Variants in PTPRG observed in about 807,000 individuals in gnomAD.
PTPRG encodes the protein receptor-type tyrosine-protein phosphatase gamma.
PTPRG carries 102 observed loss-of-function variants against 165.3 expected under a neutral mutation model. The observed-to-expected ratio is 0.62, with a 90% CI of 0.53 to 0.73. PTPRG has a LOEUF of 0.73. PTPRG is among the 30% of genes least tolerant of loss of function. The pLI, the probability that PTPRG is intolerant of heterozygous loss-of-function variation, is 0.00. For missense variants in PTPRG, 1,866 were observed against 1,861.4 expected (o/e 1.00, Z -0.05); for synonymous variants, 675 against 669.5 (o/e 1.01, Z -0.13).
At chr3:62,292,869 C>G (rs577808638) in intron 29 of PTPRG, among the ~76,000 whole-genome samples, 129 of 152,078 alleles carry the variant, frequency 8.5e-4, no homozygotes, top group African/African-American at 3.0e-3. Context: ...TCTTCATTAA[C>G]CAGATATTAA....
At chr3:61,686,349 C>A (rs1383325388) in intron 1 of PTPRG, among the ~76,000 whole-genome samples, 1 of 151,850 alleles carries the variant, frequency 6.6e-6, no homozygotes, top group Non-Finnish European at 1.5e-5. Context: ...TGATACTTAC[C>A]ATTGTTCTCT....
chr3:61,824,658 A>T (rs1444975502), intron 2 of PTPRG, among the ~76,000 whole-genome samples: 2 of 152,162 alleles, frequency 1.3e-5, no homozygotes, highest in African/African-American at 4.8e-5. Flanking sequence ...AAAATTAACT[A>T]GGTATGGTGG....
At chr3:61,562,478 G>A (rs1699783440) in intron 1 of PTPRG, 106 bp downstream of exon 1, 1 of 1,012,428 alleles carries the variant, frequency 9.9e-7, no homozygotes, top group Admixed American at 2.0e-5. Context: ...AGACCCTGGA[G>A]AGGGTGGAGG....
chr3:61,867,742 CCAGTTAGCAATGCAGTTT>C lies in PTPRG; in HGVS notation c.190+118764_190+118781del, dbSNP rs2037450124. Among the ~76,000 whole-genome samples the C allele has an allele frequency of 2.0e-5, 3 of 152,266 alleles. No individual in the cohort carries two copies. The South Asian group carries it at 6.2e-4, about 32-fold the overall frequency. ...GATACTCTGAGCGTTTATCTTGCAT[CCAGTTAGCAATGCAGTTT>C]CAGAGATAGAGGACATAGGACGTCC... On this transcript the variant is annotated intron_variant, in intron 2 of 29. Coordinates refer to ENST00000474889, the MANE Select transcript of PTPRG (RefSeq NM_002841.4).
At chr3:61,935,419 CACAT>C in intron 2 of PTPRG, among the ~76,000 whole-genome samples, 1 of 152,124 alleles carries the variant, frequency 6.6e-6, no homozygotes, top group East Asian at 1.9e-4. Flanking sequence ...CGCACGTGCA[CACAT>C]ACAGACTCAC....
At chr3:61,902,553 A>G (rs1017527759) in intron 2 of PTPRG, among the ~76,000 whole-genome samples, 2 of 152,194 alleles carry the variant, frequency 1.3e-5, no homozygotes, top group Non-Finnish European at 2.9e-5. Flanking sequence ...CTAAGTTACC[A>G]TCAATAATAG....
At position 62,229,806 on chromosome 3, in the gene PTPRG, G is replaced by A. The variant is rs1700852105; in HGVS notation, c.2289-1419G>A. ...CAGCAAAAGTGTTGTCAGTTTACGG[G>A]TGGTAGTTTTAAGCGCCTGTGATTG... On this transcript the variant is annotated intron_variant, in intron 13 of 29. Coordinates refer to ENST00000474889, the MANE Select transcript of PTPRG (RefSeq NM_002841.4). The surrounding 1 kb of genome is among the most constrained non-coding windows in gnomAD (Gnocchi z 4.6). Among the ~76,000 whole-genome samples the A allele has an allele frequency of 6.6e-6, 1 of 152,194 alleles. No individual in the cohort carries two copies.
At position 61,842,694 on chromosome 3, in the gene PTPRG, AAAAAAAAAAG is replaced by A. The variant is rs1245207181; in HGVS notation, c.190+93718_190+93727del. 5.0e-3 allele frequency among the ~76,000 whole-genome samples: 764 copies of A among 151,608 alleles called. 8 individuals are homozygous for A. Among genetic ancestry groups the A allele is most frequent in the African/African-American group, 0.018 (725 of 41,372 alleles). ...GCAATGTATGTGTGGCAAAAAAAAA[AAAAAAAAAAG>A]AAAAAGAAAAAGCCAATGGAAAGTG... On this transcript the variant is annotated intron_variant, in intron 2 of 29. Transcript: ENST00000474889.
chr3:62,245,590 G>A lies in PTPRG; in HGVS notation c.2467+1692G>A, dbSNP rs1417937603. 1.3e-5 allele frequency among the ~76,000 whole-genome samples: 2 copies of A among 152,116 alleles called. No individual in the cohort carries two copies. Among genetic ancestry groups the A allele is most frequent in the African/African-American group, 4.8e-5 (2 of 41,434 alleles). On this transcript the variant is annotated intron_variant, in intron 15 of 29. Transcript: ENST00000474889. This position sits in a 1 kb window ranked among gnomAD's most constrained non-coding sequence, Gnocchi z 4.2. ...GTCCACCCTGAAATCTTTGTTCAGT[G>A]CCTTCACCTCTCTGAACCTTAGTTT...
rs537325643 is a variant in PTPRG at position 61,907,242 on chromosome 3, A to C, written c.191-82383A>C. 2.6e-5 allele frequency among the ~76,000 whole-genome samples: 4 copies of C among 152,234 alleles called. No individual in the cohort carries two copies. In the East Asian group the frequency reaches 7.7e-4, roughly 29 times the overall value. On this transcript the variant is annotated intron_variant, in intron 2 of 29. Coordinates refer to ENST00000474889, the MANE Select transcript of PTPRG (RefSeq NM_002841.4). ...ATGCCTGGTTTATACTCTTGCTAAG[A>C]AAAGCTCGAGGGTGACTCTCAAATC...
intron 1 of PTPRG, among the ~76,000 whole-genome samples, chr3:61,639,402 G>A (rs1295376177): frequency 6.6e-6 from 1 of 152,072 alleles, no homozygotes; most frequent in Non-Finnish European, 1.5e-5. Context: ...ATCTTTTTTG[G>A]TTCCATATGA....
intron 1 of PTPRG, among the ~76,000 whole-genome samples, chr3:61,676,385 A>G (rs1415208640): frequency 7.2e-6 from 1 of 138,782 alleles, no homozygotes; most frequent in Non-Finnish European, 1.5e-5. Context: ...TGAACCTGGG[A>G]GGCAGAGCTT....
intron 14 of PTPRG, among the ~76,000 whole-genome samples, chr3:62,238,003 A>G (rs556403598): frequency 3.2e-4 from 48 of 152,334 alleles, no homozygotes; most frequent in African/African-American, 1.1e-3. Flanking sequence ...GGAACTTTCT[A>G]TAGAAATGTG....
intron 2 of PTPRG, among the ~76,000 whole-genome samples, chr3:61,974,695 CAT>C (rs1052431118): frequency 5.9e-5 from 9 of 152,204 alleles, no homozygotes; most frequent in East Asian, 3.8e-4. Context: ...CACCTAAAAA[CAT>C]ATGATTCTAT....
chr3:62,233,312 T>G lies in PTPRG; in HGVS notation c.2375+2001T>G, dbSNP rs1010601512. 6.6e-6 allele frequency among the ~76,000 whole-genome samples: 1 copy of G among 152,186 alleles called. No homozygotes were observed. Among genetic ancestry groups the G allele is most frequent in the African/African-American group, 2.4e-5 (1 of 41,456 alleles). ...GTGCTTCTTACGCTAGCCGCCCTGCTGTAATGTACAATTCCTCATTCTGGC... is the reference window on the plus strand; with the variant it reads ...GTGCTTCTTACGCTAGCCGCCCTGCGGTAATGTACAATTCCTCATTCTGGC... On this transcript the variant is annotated intron_variant, in intron 14 of 29. Transcript: ENST00000474889. The surrounding 1 kb of genome is among the most constrained non-coding windows in gnomAD (Gnocchi z 4.7).
At chr3:61,621,718 A>G (rs13090232) in intron 1 of PTPRG, among the ~76,000 whole-genome samples, 13,368 of 152,236 alleles carry the variant, frequency 0.088, 710 homozygotes, top group East Asian at 0.21. Context: ...AGTTAGGATA[A>G]TTATAGTATT....
At chr3:62,030,939 T>C (rs1360405897) in intron 4 of PTPRG, among the ~76,000 whole-genome samples, 1 of 152,168 alleles carries the variant, frequency 6.6e-6, no homozygotes, top group Non-Finnish European at 1.5e-5. Context: ...AATAAAAATA[T>C]CCAAGACACA....
intron 4 of PTPRG, among the ~76,000 whole-genome samples, chr3:62,041,050 G>T (rs7636003): frequency 6.6e-6 from 1 of 152,036 alleles, no homozygotes; most frequent in African/African-American, 2.4e-5. Context: ...TCACCATTCA[G>T]TGTCTCTGTC....
intron 4 of PTPRG, among the ~76,000 whole-genome samples, chr3:62,039,695 A>C (rs1011747516): frequency 6.6e-6 from 1 of 152,188 alleles, no homozygotes; most frequent in Non-Finnish European, 1.5e-5. Flanking sequence ...TTGATTTAAG[A>C]ATGCATTTGG....
Sources: allele counts gnomAD v4.1 joint callset (sites outside exome capture counted in the v4.1 genomes callset), GRCh38; gene constraint gnomAD v4.1.1; non-coding constraint Gnocchi (gnomAD v3.1); transcripts MANE v1.5; gene names NCBI Gene and HGNC (gene_info 2026-07-23, HGNC 2026-07-21).